The following EXOC4 variants were observed in gnomAD, a reference collection of about 807,000 sequenced individuals.
EXOC4 encodes the protein exocyst complex component 4.
EXOC4 carries 71 observed loss-of-function variants against 107.2 expected under a neutral mutation model. The ratio of observed to expected loss-of-function variants is 0.66; its 90% confidence interval spans 0.55 to 0.81. The LOEUF (loss-of-function observed/expected upper bound fraction) is 0.81. EXOC4 is among the 30% of genes least tolerant of loss of function. The probability of loss-of-function intolerance (pLI) is 0.00; values close to 1 mark genes in which losing one functional copy is unlikely to be tolerated. For synonymous variants in EXOC4, 456 were observed against 441.2 expected, an observed-to-expected ratio of 1.03 and a Z score of -0.42; for missense variants, 1,108 against 1,189.6, an observed-to-expected ratio of 0.93 and a Z score of 1.01.
chr7:133,834,892 T>C (rs1248562889), intron 11 of EXOC4, among the ~76,000 whole-genome samples: 2 of 152,108 alleles, frequency 1.3e-5, no homozygotes, highest in Non-Finnish European at 1.5e-5. Flanking sequence ...GATTGAATTA[T>C]GGGTTGGGGG....
intron 10 of EXOC4, among the ~76,000 whole-genome samples, chr7:133,632,467 A>G (rs548471272): frequency 3.9e-5 from 6 of 152,162 alleles, no homozygotes; most frequent in Admixed American, 6.5e-5. Flanking sequence ...CCAAATTGCA[A>G]CCTTGTCAAA....
At chr7:133,683,636 C>T (rs1794234232) in intron 10 of EXOC4, among the ~76,000 whole-genome samples, 1 of 152,010 alleles carries the variant, frequency 6.6e-6, no homozygotes, top group Admixed American at 6.6e-5. Context: ...AAAAGCTCTA[C>T]CCCTAAAAAT....
At chr7:133,767,079 C>G (rs1796153550) in intron 10 of EXOC4, among the ~76,000 whole-genome samples, 1 of 151,892 alleles carries the variant, frequency 6.6e-6, no homozygotes, top group Non-Finnish European at 1.5e-5. Flanking sequence ...TGCATACTTG[C>G]ATCTTTTCAG....
chr7:133,254,646 G>A (rs890043036), intron 1 of EXOC4, among the ~76,000 whole-genome samples: 5 of 152,220 alleles, frequency 3.3e-5, no homozygotes, highest in African/African-American at 1.2e-4. Flanking sequence ...GACTTAATGA[G>A]TAAATGCCCT....
intron 10 of EXOC4, among the ~76,000 whole-genome samples, chr7:133,758,174 C>A (rs776260247): frequency 1.2e-4 from 19 of 152,192 alleles, no homozygotes; most frequent in Admixed American, 3.9e-4. Context: ...GAGATGGAGT[C>A]TCGCTCTGTT....
chr7:133,428,324 C>G (rs1315556755), intron 7 of EXOC4, among the ~76,000 whole-genome samples: 1 of 152,192 alleles, frequency 6.6e-6, no homozygotes, highest in Non-Finnish European at 1.5e-5. Flanking sequence ...AGTTCTTTCT[C>G]CCTTGGACTT....
At chr7:133,965,641 G>A (rs1040227906) in intron 14 of EXOC4, among the ~76,000 whole-genome samples, 7 of 152,134 alleles carry the variant, frequency 4.6e-5, no homozygotes, top group Admixed American at 2.0e-4. Context: ...TTGTAGATGT[G>A]TGGTGTTATT....
At chr7:133,393,548 T>A (rs1796901645) in intron 7 of EXOC4, among the ~76,000 whole-genome samples, 1 of 152,194 alleles carries the variant, frequency 6.6e-6, no homozygotes. Flanking sequence ...GTCCCCAATG[T>A]GATGGTATTT....
At chr7:133,759,593 C>G (rs1245547544) in intron 10 of EXOC4, among the ~76,000 whole-genome samples, 3 of 152,086 alleles carry the variant, frequency 2.0e-5, no homozygotes, top group African/African-American at 7.2e-5. Context: ...AATGGCAGAG[C>G]CAGGATTCAA....
intron 11 of EXOC4, among the ~76,000 whole-genome samples, chr7:133,841,876 C>A (rs1487168932): frequency 6.6e-6 from 1 of 152,128 alleles, no homozygotes; most frequent in Non-Finnish European, 1.5e-5. Context: ...CATATGTGCT[C>A]CATGTTTAGC....
intron 10 of EXOC4, among the ~76,000 whole-genome samples, chr7:133,721,484 C>T (rs1280140448): frequency 6.6e-6 from 1 of 152,098 alleles, no homozygotes; most frequent in Non-Finnish European, 1.5e-5. Context: ...CTAATGTTGT[C>T]AGAGGCCAGA....
rs78409414 is a variant in EXOC4 at position 133,849,744 on chromosome 7, G to T, written c.1734+32200G>T. On this transcript the variant is annotated intron_variant, in intron 11 of 17. Coordinates refer to ENST00000253861, the MANE Select transcript of EXOC4 (RefSeq NM_021807.4). Reference sequence around the variant, plus strand: ...CGATAACGTCTGTTTGCTCACCATTGTATCTCTAATGCCTAACACGTAGTA... The same window carrying T: ...CGATAACGTCTGTTTGCTCACCATTTTATCTCTAATGCCTAACACGTAGTA... Among the ~76,000 whole-genome samples, 112 of 152,234 alleles carry T rather than the reference G, an allele frequency of 7.4e-4. 1 individual carries two copies. The East Asian group carries it at 0.021, about 28-fold the overall frequency.
intron 10 of EXOC4, among the ~76,000 whole-genome samples, chr7:133,744,016 C>G (rs1795624008): frequency 6.6e-6 from 1 of 152,068 alleles, no homozygotes; most frequent in Admixed American, 6.6e-5. Context: ...TTCATTTGCA[C>G]TATTTCTGTC....
chr7:133,571,736 G>T, intron 9 of EXOC4, among the ~76,000 whole-genome samples: 1 of 151,900 alleles, frequency 6.6e-6, no homozygotes. Flanking sequence ...GAAAGTCTGA[G>T]ACCAAGGTGC....
chr7:133,672,098 G>A lies in EXOC4; in HGVS notation c.1514+41957G>A, dbSNP rs371015568. On this transcript the variant is annotated intron_variant, in intron 10 of 17. Transcript: ENST00000253861. ...TGTGTGGATATTGAGCACTTAAAAT[G>A]TACCTAGTACAGGCCAGGCGTGGTG... 1.1e-4 allele frequency among the ~76,000 whole-genome samples: 17 copies of A among 152,172 alleles called. No homozygotes were observed. In the South Asian group the frequency reaches 3.3e-3, roughly 30 times the overall value.
intron 7 of EXOC4, among the ~76,000 whole-genome samples, chr7:133,398,852 C>T (rs1797028109): frequency 6.6e-6 from 1 of 152,090 alleles, no homozygotes; most frequent in African/African-American, 2.4e-5. Flanking sequence ...TGCTCTCTGG[C>T]TTAGTTAGTA....
At chr7:133,805,450 C>T (rs1797052489) in intron 10 of EXOC4, among the ~76,000 whole-genome samples, 1 of 152,068 alleles carries the variant, frequency 6.6e-6, no homozygotes, top group African/African-American at 2.4e-5. Context: ...AGTTTCTTAC[C>T]TACTGGATAC....
At chr7:133,287,429 G>A (rs1430752466) in intron 2 of EXOC4, among the ~76,000 whole-genome samples, 1 of 152,046 alleles carries the variant, frequency 6.6e-6, no homozygotes, top group Non-Finnish European at 1.5e-5. Flanking sequence ...TTCTGCTTCA[G>A]CCTCCCAAGT....
intron 9 of EXOC4, among the ~76,000 whole-genome samples, chr7:133,608,702 C>A (rs1016443523): frequency 2.6e-5 from 4 of 151,658 alleles, no homozygotes; most frequent in Non-Finnish European, 4.4e-5. Context: ...GCACGTGCCA[C>A]CACGCCCAGC....
Sources: gnomAD v4.1 joint callset for allele counts (sites outside exome capture counted in the v4.1 genomes callset) on GRCh38, gnomAD v4.1.1 for gene constraint, MANE v1.5 for transcripts, NCBI Gene and HGNC (gene_info 2026-07-23, HGNC 2026-07-21) for gene names.